Variants in HS6ST3 observed in about 807,000 individuals in gnomAD.
HS6ST3 encodes the protein heparan-sulfate 6-O-sulfotransferase 3.
In HS6ST3, 12 loss-of-function variants were observed where a neutral mutation model predicts 36.7. That is an observed-to-expected ratio of 0.33 (90% CI 0.21 to 0.53). HS6ST3 has a LOEUF of 0.53. Among genes scored for constraint, HS6ST3 ranks in the 20% least tolerant of loss-of-function variants. The pLI is 0.95. For synonymous variants in HS6ST3, 240 were observed against 257.5 expected (o/e 0.93, Z 0.65); for missense variants, 584 against 640.9 (o/e 0.91, Z 0.96).
At chr13:96,224,302 A>C (rs1472040173) in intron 1 of HS6ST3, among the ~76,000 whole-genome samples, 1 of 152,008 alleles carries the variant, frequency 6.6e-6, no homozygotes, top group Non-Finnish European at 1.5e-5. Context: ...ACCAAATTCT[A>C]ACTTGAGAAA....
intron 1 of HS6ST3, among the ~76,000 whole-genome samples, chr13:96,470,733 A>T (rs1428248159): frequency 6.6e-6 from 1 of 152,050 alleles, no homozygotes; most frequent in African/African-American, 2.4e-5. Flanking sequence ...TTCTCTCAAT[A>T]TTGGCCATTG....
intron 1 of HS6ST3, among the ~76,000 whole-genome samples, chr13:96,509,310 TTACTC>T (rs1311285243): frequency 6.6e-6 from 1 of 152,168 alleles, no homozygotes; most frequent in Non-Finnish European, 1.5e-5. Context: ...TGTTGTCTGT[TTACTC>T]TATTATTTCT....
intron 1 of HS6ST3, among the ~76,000 whole-genome samples, chr13:96,263,510 T>G (rs932908317): frequency 1.3e-5 from 2 of 152,196 alleles, no homozygotes; most frequent in African/African-American, 2.4e-5. Flanking sequence ...TGGATCTAAT[T>G]GAAAATAATG....
At chr13:96,796,567 T>C (rs541398487) in intron 1 of HS6ST3, among the ~76,000 whole-genome samples, 5 of 152,232 alleles carry the variant, frequency 3.3e-5, no homozygotes, top group Admixed American at 1.3e-4. Flanking sequence ...TGAAAAGACA[T>C]GGGCTTTGGT....
chr13:96,550,684 C>T (rs2056216401), intron 1 of HS6ST3, among the ~76,000 whole-genome samples: 1 of 151,540 alleles, frequency 6.6e-6, no homozygotes, highest in Non-Finnish European at 1.5e-5. Context: ...ATACTCAAAA[C>T]TTGGCGTAAT....
chr13:96,740,023 C>T (rs761901091), intron 1 of HS6ST3, among the ~76,000 whole-genome samples: 2 of 152,176 alleles, frequency 1.3e-5, no homozygotes, highest in Non-Finnish European at 2.9e-5. Flanking sequence ...TTTCTGACCA[C>T]TGTAAAATTT....
intron 1 of HS6ST3, among the ~76,000 whole-genome samples, chr13:96,767,172 C>T (rs1011801154): frequency 6.6e-6 from 1 of 152,170 alleles, no homozygotes; most frequent in African/African-American, 2.4e-5. Flanking sequence ...TACGACAGGA[C>T]AATACTAGTA....
At chr13:96,607,437 G>A (rs888302234) in intron 1 of HS6ST3, among the ~76,000 whole-genome samples, 5 of 152,180 alleles carry the variant, frequency 3.3e-5, no homozygotes, top group African/African-American at 9.7e-5. Context: ...ACTTCCTGAG[G>A]AATTTATTAG....
At chr13:96,196,805 C>G (rs1473077965) in intron 1 of HS6ST3, among the ~76,000 whole-genome samples, 3 of 152,152 alleles carry the variant, frequency 2.0e-5, no homozygotes, top group Admixed American at 6.5e-5. Flanking sequence ...GTTACAAGAC[C>G]CCACTATTTA....
chr13:96,186,009 G>A (rs1410075329), intron 1 of HS6ST3, among the ~76,000 whole-genome samples: 2 of 152,128 alleles, frequency 1.3e-5, no homozygotes, highest in African/African-American at 4.8e-5. Flanking sequence ...GGATCTGAGT[G>A]TATGTATGTA....
intron 1 of HS6ST3, among the ~76,000 whole-genome samples, chr13:96,710,668 G>A (rs1036545726): frequency 6.6e-6 from 1 of 152,222 alleles, no homozygotes; most frequent in African/African-American, 2.4e-5. Context: ...TGGATACTGC[G>A]GGAGGACCCG....
At position 96,153,379 on chromosome 13, in the gene HS6ST3, CG is replaced by C. The variant is rs561671957; in HGVS notation, c.707+61815del. The stretch of plus-strand genomic sequence containing the variant: ...AATAACTTATTAAATCTGTGCAATG[CG>C]GGGGTATTTCCGGGGGAAGAATTCT... On this transcript the variant is annotated intron_variant, in intron 1 of 1. Transcript: ENST00000376705. 1.6e-3 allele frequency among the ~76,000 whole-genome samples: 248 copies of C among 152,182 alleles called. 1 individual carries two copies. Among genetic ancestry groups the C allele is most frequent in the African/African-American group, 5.8e-3 (241 of 41,530 alleles).
chr13:96,511,511 C>G (rs2138920150), intron 1 of HS6ST3, among the ~76,000 whole-genome samples: 1 of 151,830 alleles, frequency 6.6e-6, no homozygotes, highest in South Asian at 2.1e-4. Flanking sequence ...TTTGAGCTTG[C>G]TAGCTTTTGA....
At chr13:96,516,252 G>T (rs2056072331) in intron 1 of HS6ST3, among the ~76,000 whole-genome samples, 1 of 151,916 alleles carries the variant, frequency 6.6e-6, no homozygotes, top group Admixed American at 6.6e-5. Context: ...TTTTAGTAGA[G>T]ATGGGGTTTC....
chr13:96,162,264 T>C (rs1467245676), intron 1 of HS6ST3, among the ~76,000 whole-genome samples: 2 of 151,776 alleles, frequency 1.3e-5, no homozygotes, highest in African/African-American at 2.4e-5. Flanking sequence ...GAGCAGAAGG[T>C]GAAAAAGAGA....
intron 1 of HS6ST3, among the ~76,000 whole-genome samples, chr13:96,137,172 C>T (rs1485636878): frequency 2.1e-5 from 3 of 144,844 alleles, no homozygotes; most frequent in Non-Finnish European, 4.5e-5. Context: ...CACCCCCACC[C>T]CCATTTAATA....
chr13:96,161,433 A>G (rs186232779), intron 1 of HS6ST3, among the ~76,000 whole-genome samples: 1 of 152,290 alleles, frequency 6.6e-6, no homozygotes, highest in East Asian at 1.9e-4. Context: ...TTGGATGGCT[A>G]GAGGGCAGAG....
At chr13:96,543,889 A>T (rs1410805469) in intron 1 of HS6ST3, among the ~76,000 whole-genome samples, 4 of 151,382 alleles carry the variant, frequency 2.6e-5, no homozygotes, top group South Asian at 2.1e-4. Flanking sequence ...ACAGAATCAA[A>T]TTTTTTTTTC....
rs542796879 is a variant in HS6ST3 at position 96,577,433 on chromosome 13, G to T, written c.708-255057G>T. Among the ~76,000 whole-genome samples, 244 of 152,072 alleles carry T rather than the reference G, an allele frequency of 1.6e-3. 1 individual carries two copies. The highest frequency in any genetic ancestry group is 5.7e-3 in the African/African-American group (236 of 41,370). Reference sequence around the variant, plus strand: ...CTATCCTTGATGTAGATTTAGGTTGGTTCCAAGTCTTTGCTGTTGTGAATA... The same window carrying T: ...CTATCCTTGATGTAGATTTAGGTTGTTTCCAAGTCTTTGCTGTTGTGAATA... On this transcript the variant is annotated intron_variant, in intron 1 of 1. Coordinates refer to ENST00000376705, the MANE Select transcript of HS6ST3 (RefSeq NM_153456.4).
Sources: gnomAD v4.1 joint callset for allele counts (sites outside exome capture counted in the v4.1 genomes callset) on GRCh38, gnomAD v4.1.1 for gene constraint, MANE v1.5 for transcripts, NCBI Gene and HGNC (gene_info 2026-07-23, HGNC 2026-07-21) for gene names.